Variants in PPARGC1A observed in about 807,000 individuals in gnomAD.
The protein encoded by PPARGC1A is peroxisome proliferator-activated receptor gamma coactivator 1-alpha.
PPARGC1A carries 25 observed loss-of-function variants against 88.7 expected under a neutral mutation model. That is an observed-to-expected ratio of 0.28 (90% CI 0.21 to 0.39). The LOEUF (loss-of-function observed/expected upper bound fraction) is 0.39, where lower values mean the gene tolerates loss of function less well. Among genes scored for constraint, PPARGC1A ranks in the 10% least tolerant of loss-of-function variants. PPARGC1A has a pLI of 1.00. For missense variants in PPARGC1A, 880 were observed against 968.7 expected (o/e 0.91, Z 1.22); for synonymous variants, 363 against 355.6 (o/e 1.02, Z -0.24).
the PPARGC1A span, among the ~76,000 whole-genome samples, chr4:24,228,935 C>T: frequency 6.6e-6 from 1 of 152,084 alleles, no homozygotes; most frequent in Non-Finnish European, 1.5e-5. Flanking sequence ...TGCAGATATG[C>T]AGGCTCCAAC....
the PPARGC1A span, among the ~76,000 whole-genome samples, chr4:24,372,909 G>C: frequency 1.3e-5 from 2 of 152,214 alleles, no homozygotes; most frequent in Non-Finnish European, 2.9e-5. Context: ...ACAGAGGAGA[G>C]AGCTGGCGGA....
At chr4:24,331,783 A>ATATG in the PPARGC1A span, among the ~76,000 whole-genome samples, 1 of 150,640 alleles carries the variant, frequency 6.6e-6, no homozygotes, top group African/African-American at 2.4e-5. Flanking sequence ...ATATATATAT[A>ATATG]TATTTTAAGT....
the PPARGC1A span, among the ~76,000 whole-genome samples, chr4:24,220,631 T>C: frequency 6.6e-6 from 1 of 151,972 alleles, no homozygotes; most frequent in Non-Finnish European, 1.5e-5. Flanking sequence ...AACAAAAAAA[T>C]GAAATAATGC....
the PPARGC1A span, among the ~76,000 whole-genome samples, chr4:24,245,781 T>C: frequency 6.6e-6 from 1 of 152,342 alleles, no homozygotes; most frequent in Non-Finnish European, 1.5e-5. Context: ...TATCTCCTCT[T>C]TGCCTCAAAT....
intron 2 of PPARGC1A, among the ~76,000 whole-genome samples, chr4:23,844,764 A>AATAATATATGACATATATTATT (rs1727900595): frequency 2.2e-5 from 1 of 45,566 alleles, no homozygotes; most frequent in Non-Finnish European, 3.6e-5. Context: ...TATATATTAT[A>AATAATATATGACATATATTATT]ATAATATATG....
the PPARGC1A span, among the ~76,000 whole-genome samples, chr4:24,029,403 G>T: frequency 6.6e-6 from 1 of 152,072 alleles, no homozygotes; most frequent in Non-Finnish European, 1.5e-5. Context: ...CCTTTCCCAG[G>T]TCCGTTCCTT....
chr4:23,970,153 C>T, the PPARGC1A span, among the ~76,000 whole-genome samples: 1 of 152,170 alleles, frequency 6.6e-6, no homozygotes, highest in Non-Finnish European at 1.5e-5. Flanking sequence ...TATGCTTTAC[C>T]TCTGTCTAAG....
At chr4:24,103,903 C>G in the PPARGC1A span, among the ~76,000 whole-genome samples, 1 of 152,224 alleles carries the variant, frequency 6.6e-6, no homozygotes, top group Non-Finnish European at 1.5e-5. Context: ...AATTTCCTTT[C>G]AGCCGGGCCC....
At chr4:24,418,320 A>ATTCG in the PPARGC1A span, among the ~76,000 whole-genome samples, 1 of 152,206 alleles carries the variant, frequency 6.6e-6, no homozygotes, top group Non-Finnish European at 1.5e-5. Flanking sequence ...CTGTTATTAC[A>ATTCG]TTCGCTACAT....
the PPARGC1A span, among the ~76,000 whole-genome samples, chr4:24,249,993 C>T: frequency 6.6e-6 from 1 of 152,134 alleles, no homozygotes; most frequent in Non-Finnish European, 1.5e-5. Flanking sequence ...TGAATGCACA[C>T]CCTATGTCAA....
At chr4:23,828,678 GA>G in intron 4 of PPARGC1A, 74 bp from the exon 5 acceptor site, 1 of 1,379,880 alleles carries the variant, frequency 7.2e-7, no homozygotes, top group South Asian at 1.2e-5. Flanking sequence ...GTTTTCTGGA[GA>G]GATGGGATTT....
the PPARGC1A span, among the ~76,000 whole-genome samples, chr4:24,311,922 A>C: frequency 6.6e-6 from 1 of 152,156 alleles, no homozygotes; most frequent in Non-Finnish European, 1.5e-5. Flanking sequence ...TAGGGTTGGG[A>C]AGCCATGAAG....
the PPARGC1A span, among the ~76,000 whole-genome samples, chr4:24,458,377 T>G: frequency 6.6e-6 from 1 of 152,124 alleles, no homozygotes; most frequent in Non-Finnish European, 1.5e-5. Flanking sequence ...GGCACACGCC[T>G]GTAGTCCCAG....
the PPARGC1A span, among the ~76,000 whole-genome samples, chr4:24,051,187 C>CAAAAAAAA: frequency 1.2e-4 from 7 of 58,594 alleles, no homozygotes; most frequent in Non-Finnish European, 1.4e-4. Flanking sequence ...GACTCTGTCT[C>CAAAAAAAA]AAAAAAAAAA....
chr4:24,379,172 A>G, the PPARGC1A span, among the ~76,000 whole-genome samples: 2 of 152,228 alleles, frequency 1.3e-5, no homozygotes, highest in African/African-American at 4.8e-5. Context: ...TCGCATGTCT[A>G]TATGATATAA....
chr4:24,219,424 T>C, the PPARGC1A span, among the ~76,000 whole-genome samples: 41 of 152,210 alleles, frequency 2.7e-4, no homozygotes, highest in African/African-American at 9.6e-4. Flanking sequence ...TCCTCCGTCA[T>C]ACTGGGCTCT....
the PPARGC1A span, among the ~76,000 whole-genome samples, chr4:24,168,797 A>G: frequency 5.3e-5 from 8 of 152,372 alleles, no homozygotes; most frequent in Admixed American, 2.0e-4. Context: ...CCATGAGTCC[A>G]TACTGATATA....
chr4:23,982,416 G>T, the PPARGC1A span, among the ~76,000 whole-genome samples: 1 of 151,986 alleles, frequency 6.6e-6, no homozygotes, highest in Non-Finnish European at 1.5e-5. Flanking sequence ...CAACGTCATG[G>T]CCATGCTCCT....
At chr4:24,278,965 T>TC in the PPARGC1A span, among the ~76,000 whole-genome samples, 1 of 151,856 alleles carries the variant, frequency 6.6e-6, no homozygotes, top group South Asian at 2.1e-4. Context: ...AGATACGTTT[T>TC]CCCACAGCAA....
Sources: gnomAD v4.1 joint callset for allele counts (sites outside exome capture counted in the v4.1 genomes callset) on GRCh38, gnomAD v4.1.1 for gene constraint, MANE v1.5 for transcripts, NCBI Gene and HGNC (gene_info 2026-07-23, HGNC 2026-07-21) for gene names.